DCLRE1C: variants seen among roughly 807,000 people sequenced by gnomAD.
DCLRE1C encodes DNA cross-link repair 1C.
In DCLRE1C, 47 loss-of-function variants were observed where a neutral mutation model predicts 61.4. The observed-to-expected ratio is 0.77, with a 90% CI of 0.61 to 0.98. The LOEUF is 0.98. DCLRE1C is among the 50% of genes least tolerant of loss of function. DCLRE1C has a pLI of 0.00. For missense variants in DCLRE1C, 858 were observed against 816.0 expected (o/e 1.05, Z -0.63); for synonymous variants, 337 against 287.6 (o/e 1.17, Z -1.74).
intron 13 of DCLRE1C, among the ~76,000 whole-genome samples, chr10:14,918,255 A>G (rs1236168432): frequency 1.3e-5 from 2 of 152,256 alleles, no homozygotes; most frequent in African/African-American, 2.4e-5. Context: ...AGGTGAATGG[A>G]TCAGCAACTT....
At chr10:14,937,850 C>A (rs367720158) in intron 4 of DCLRE1C, among the ~76,000 whole-genome samples, 1 of 150,574 alleles carries the variant, frequency 6.6e-6, no homozygotes, top group Non-Finnish European at 1.5e-5. Context: ...GCCAAGATCG[C>A]CCTACTGCAC....
In DCLRE1C at chr10:14,908,411, G is replaced by A; in HGVS notation, c.2076C>T (p.Thr692=). Residue 692 remains threonine (T), a synonymous_variant, in exon 14 of 14, where the codon ACC becomes ACT. Coordinates refer to ENST00000378278, the MANE Select transcript of DCLRE1C (RefSeq NM_001033855.3). ...TAGGTTGAAACGCTTTGAATTCTTA[G>A]GTATCTAAGAGTGAGCATTTTCTTT... ...VKKRKCSLLD[T] 6.2e-7 allele frequency: 1 copy of A among 1,612,246 alleles called. No homozygotes were observed. The highest frequency in any genetic ancestry group is 1.1e-5 in the South Asian group (1 of 91,022).
At chr10:14,928,180 C>G (rs769703393) in intron 9 of DCLRE1C, 28 bp from the exon 10 acceptor site, 1 of 1,606,082 alleles carries the variant, frequency 6.2e-7, no homozygotes, top group African/African-American at 1.3e-5. Context: ...CATAGAAAAA[C>G]AGTTCTACAT....
At chr10:14,933,434 C>G (rs1193280326) in intron 8 of DCLRE1C, among the ~76,000 whole-genome samples, 2 of 152,124 alleles carry the variant, frequency 1.3e-5, no homozygotes, top group African/African-American at 2.4e-5. Flanking sequence ...GTCAGGAGAT[C>G]GAGACCAGCC....
In DCLRE1C at chr10:14,908,256, AC is replaced by A. The variant is rs1834641226; in HGVS notation, c.*151del. 3.3e-6 allele frequency: 2 copies of A among 604,202 alleles called. No homozygotes were observed. The highest frequency in any genetic ancestry group is 5.7e-6 in the Non-Finnish European group (2 of 353,570). 37.4% of individuals were successfully genotyped at this position (604,202 alleles called of 1,614,324 possible). On this transcript the variant is annotated 3_prime_UTR_variant, in exon 14 of 14. Transcript: ENST00000378278. The stretch of plus-strand genomic sequence containing the variant: ...AACTCCTGGGCTCAAGCCATTGCCC[AC>A]CTCAAAGTGCTGGGATTACAAGTGT...
rs570822140 is a variant in DCLRE1C, at chr10:14,951,966, G to A, written c.109+1936C>T. On this transcript the variant is annotated intron_variant, in intron 1 of 13. Coordinates refer to ENST00000378278, the MANE Select transcript of DCLRE1C (RefSeq NM_001033855.3). ...GCAATGTGAGAAACCTCCAAAAGCAGAAGTTGTGTTTTCACCCTTGATGAG... is the reference window on the plus strand; with the variant it reads ...GCAATGTGAGAAACCTCCAAAAGCAAAAGTTGTGTTTTCACCCTTGATGAG... Among the ~76,000 whole-genome samples, 78 of 152,180 alleles carry A rather than the reference G, an allele frequency of 5.1e-4. 1 individual carries two copies. The highest frequency in any genetic ancestry group is 3.8e-3 in the Admixed American group (58 of 15,250).
chr10:14,937,893 CAA>C (rs749452841), intron 4 of DCLRE1C, among the ~76,000 whole-genome samples: 4 of 40,630 alleles, frequency 9.8e-5, no homozygotes, highest in South Asian at 8.8e-4. Flanking sequence ...GGCTCAGTCT[CAA>C]AAAAAAAAAA....
downstream of DCLRE1C, among the ~76,000 whole-genome samples, chr10:14,902,040 C>T (rs908593733): frequency 6.6e-6 from 1 of 152,080 alleles, no homozygotes; most frequent in African/African-American, 2.4e-5. Flanking sequence ...CATTGCTTAA[C>T]CTCTTACATA....
chr10:14,935,251 G>A (rs1156790441), intron 6 of DCLRE1C, among the ~76,000 whole-genome samples: 1 of 152,044 alleles, frequency 6.6e-6, no homozygotes, highest in Non-Finnish European at 1.5e-5. Context: ...CAGATCACCT[G>A]AAGTCAGGAG....
chr10:14,936,048 C>A (rs970672354), intron 5 of DCLRE1C, among the ~76,000 whole-genome samples: 24 of 152,116 alleles, frequency 1.6e-4, no homozygotes, highest in African/African-American at 5.8e-4. Flanking sequence ...GGTGTGCCAC[C>A]ACACCCGGCT....
Position 14,908,846 on chromosome 10 carries a change from TC to T in DCLRE1C, c.1640del (p.Gly547GlufsTer49). ...CAGATTGGCTGTCCCAGCCTTGACT[TC>T]CTTGTTCTGTTATGTGTGTTGACTG... The part of the protein sequence containing the change: ...SSQSTHITEQ[G>X]SQGWDSQSDT... On this transcript the variant is annotated frameshift_variant, in exon 14 of 14. Transcript: ENST00000378278. LOFTEE classifies it low-confidence loss of function (END_TRUNC). 6.2e-7 allele frequency: 1 copy of T among 1,614,188 alleles called. No individual in the cohort carries two copies. Among genetic ancestry groups the T allele is most frequent in the Non-Finnish European group, 8.5e-7 (1 of 1,180,028 alleles).
chr10:14,909,400 C>G, intron 13 of DCLRE1C, 70 bp from the exon 14 acceptor site: 1 of 1,405,404 alleles, frequency 7.1e-7, no homozygotes, highest in Admixed American at 2.1e-5. Flanking sequence ...TTTATCTGTA[C>G]TTTTAATTCT....
At position 14,907,846 on chromosome 10, in the gene DCLRE1C, C is replaced by CG. The variant is rs1564359097; in HGVS notation, c.*561_*562insC. ...TTGATACGTATGGGTTTAGTTCTACCATTTTTTTTTCTTTTTTTTTTTTTT... is the reference window on the plus strand; with the variant it reads ...TTGATACGTATGGGTTTAGTTCTACCGATTTTTTTTTCTTTTTTTTTTTTTT... On this transcript the variant is annotated 3_prime_UTR_variant, in exon 14 of 14. Coordinates refer to ENST00000378278, the MANE Select transcript of DCLRE1C (RefSeq NM_001033855.3). The CG allele has an allele frequency of 5.0e-5, 7 of 140,354 alleles. No homozygotes were observed. Among genetic ancestry groups the CG allele is most frequent in the African/African-American group, 1.9e-4 (7 of 36,512 alleles). The allele number at this position is 140,354 out of a possible 1,614,324, so 8.7% of individuals were successfully genotyped here. A position where few individuals can be genotyped will look rare whatever the true frequency, so the allele number is the denominator to read the frequency against.
At chr10:14,899,737 T>G, downstream of DCLRE1C, 1 of 1,578,928 alleles carries the variant, frequency 6.3e-7, no homozygotes, top group Non-Finnish European at 8.6e-7. Context: ...AACCTAGTAC[T>G]AGTTTCCATA....
rs772007901 is a variant in DCLRE1C, at chr10:14,953,927, G to T, written c.84C>A (p.Ala28=). Residue 28 remains alanine, a synonymous_variant, in exon 1 of 14, where the codon GCC becomes GCA. Transcript: ENST00000378278. ...RFDRENLRAR[A]YFLSHCHKDH... is the part of the protein sequence containing the mutation. ...CTTTGTGGCAGTGGGACAGGAAGTA[G>T]GCGCGGGCCCTCAGGTTCTCCCTAT... is the stretch of plus-strand genomic sequence containing the variant. 3 of 1,613,938 alleles carry T rather than the reference G, an allele frequency of 1.9e-6. No homozygotes were observed. The highest frequency in any genetic ancestry group is 2.5e-6 in the Non-Finnish European group (3 of 1,179,948).
At chr10:14,919,109 G>C (rs1416717783) in intron 13 of DCLRE1C, among the ~76,000 whole-genome samples, 1 of 152,046 alleles carries the variant, frequency 6.6e-6, no homozygotes, top group African/African-American at 2.4e-5. Context: ...TTACTGCATG[G>C]CAGAGTAACT....
At chr10:14,947,057 A>AC (rs144665611) in intron 2 of DCLRE1C, among the ~76,000 whole-genome samples, 4,261 of 152,154 alleles carry the variant, frequency 0.028, 223 homozygotes, top group African/African-American at 0.096. Context: ...ACTGAAAAAT[A>AC]AAAAATTAGT....
At chr10:14,937,206 A>C (rs1840081737) in intron 4 of DCLRE1C, among the ~76,000 whole-genome samples, 1 of 152,030 alleles carries the variant, frequency 6.6e-6, no homozygotes, top group South Asian at 2.1e-4. Context: ...TGGGGTGCTG[A>C]AAATATTCTG....
chr10:14,926,772 G>T (rs1481324224), intron 11 of DCLRE1C, 71 bp downstream of exon 11: 11 of 1,209,914 alleles, frequency 9.1e-6, no homozygotes, highest in Middle Eastern at 1.9e-4. Context: ...AGAGTCAGGG[G>T]ACTACCTGTC....
Sources: allele counts gnomAD v4.1 joint callset (sites outside exome capture counted in the v4.1 genomes callset), GRCh38; gene constraint gnomAD v4.1.1; transcripts MANE v1.5; gene names NCBI Gene and HGNC (gene_info 2026-07-23, HGNC 2026-07-21).